CDK14: variants seen among roughly 807,000 people sequenced by gnomAD.
The protein encoded by CDK14 is cyclin-dependent kinase 14.
Under a neutral mutation model 60.7 loss-of-function variants are expected in CDK14, and 34 were observed. That is an observed-to-expected ratio of 0.56 (90% CI 0.43 to 0.75). The LOEUF is 0.75. CDK14 is among the 30% of genes least tolerant of loss of function. The pLI, the probability that CDK14 is intolerant of heterozygous loss-of-function variation, is 0.00. For missense variants in CDK14, 482 were observed against 564.1 expected (o/e 0.85, Z 1.47); for synonymous variants, 197 against 203.7 (o/e 0.97, Z 0.28).
At chr7:91,095,547 G>T (rs1393898222) in intron 12 of CDK14, among the ~76,000 whole-genome samples, 1 of 152,118 alleles carries the variant, frequency 6.6e-6, no homozygotes, top group Non-Finnish European at 1.5e-5. Flanking sequence ...TTATTTTATT[G>T]TAGTTTAAAA....
At chr7:90,629,255 A>G (rs959820403) in intron 2 of CDK14, among the ~76,000 whole-genome samples, 3 of 152,178 alleles carry the variant, frequency 2.0e-5, no homozygotes, top group Non-Finnish European at 2.9e-5. Context: ...CAAACTCCTC[A>G]AGTCTGATGC....
chr7:90,840,082 T>C (rs142862283), intron 5 of CDK14, among the ~76,000 whole-genome samples: 5 of 152,350 alleles, frequency 3.3e-5, no homozygotes, highest in African/African-American at 1.2e-4. Flanking sequence ...AGGCTACATC[T>C]ATTTTCCTTC....
intron 8 of CDK14, among the ~76,000 whole-genome samples, chr7:90,923,489 T>C (rs1258650254): frequency 6.6e-6 from 1 of 152,164 alleles, no homozygotes; most frequent in Admixed American, 6.5e-5. Flanking sequence ...GCAACTAATA[T>C]GCATATACTA....
chr7:91,001,768 G>A (rs561654826), intron 10 of CDK14, among the ~76,000 whole-genome samples: 2 of 152,316 alleles, frequency 1.3e-5, no homozygotes, highest in East Asian at 1.9e-4. Flanking sequence ...CACCCTGTGT[G>A]CTACCTCCAT....
At position 90,646,212 on chromosome 7, in the gene CDK14, C is replaced by T. The variant is rs76096607; in HGVS notation, c.123+41963C>T. ...AGGATGTTCATCTTATGGAAGCCTC[C>T]GGTTGTTGAGTTAGTGTTTTGCATT... is the stretch of plus-strand genomic sequence containing the variant. On this transcript the variant is annotated intron_variant, in intron 2 of 14. Coordinates refer to ENST00000380050, the MANE Select transcript of CDK14 (RefSeq NM_001287135.2). Among the ~76,000 whole-genome samples the T allele has an allele frequency of 6.8e-3, 1,027 of 151,888 alleles. 9 individuals carry two copies. The highest frequency in any genetic ancestry group is 0.023 in the African/African-American group (941 of 41,404).
chr7:91,127,422 T>C lies in CDK14; in HGVS notation c.*28+9214T>C, dbSNP rs554798068. On this transcript the variant is annotated intron_variant, in intron 14 of 14. Transcript: ENST00000380050. ...GCAACTTCAGAAAATAAGAGGGATTTTCCCCCCTCTGCTAGTGTGGAAGAC... is the reference window on the plus strand; with the variant it reads ...GCAACTTCAGAAAATAAGAGGGATTCTCCCCCCTCTGCTAGTGTGGAAGAC... 2.0e-5 allele frequency among the ~76,000 whole-genome samples: 3 copies of C among 152,252 alleles called. No individual in the cohort carries two copies. The East Asian group carries it at 5.8e-4, about 29-fold the overall frequency.
At chr7:90,801,868 T>G (rs903379450) in intron 5 of CDK14, among the ~76,000 whole-genome samples, 3 of 152,202 alleles carry the variant, frequency 2.0e-5, no homozygotes, top group African/African-American at 7.2e-5. Flanking sequence ...TGTCAATATC[T>G]GGATGCCTAG....
intron 2 of CDK14, among the ~76,000 whole-genome samples, chr7:90,649,783 C>T (rs184952278): frequency 5.9e-5 from 9 of 152,146 alleles, no homozygotes; most frequent in East Asian, 1.9e-4. Context: ...CTGCAAAGGA[C>T]GTGAACTCAT....
At chr7:90,711,591 A>T (rs930484344) in intron 2 of CDK14, among the ~76,000 whole-genome samples, 7 of 152,106 alleles carry the variant, frequency 4.6e-5, no homozygotes, top group Admixed American at 3.9e-4. Context: ...TATTTCTCTC[A>T]TTCTGCAAAT....
intron 2 of CDK14, among the ~76,000 whole-genome samples, chr7:90,668,874 A>AT (rs376626521): frequency 2.0e-3 from 283 of 144,016 alleles, no homozygotes; most frequent in East Asian, 2.6e-3. Flanking sequence ...GTGCCTGGCT[A>AT]TTTTTTTTTT....
chr7:90,982,137 T>C (rs949699723), intron 9 of CDK14, among the ~76,000 whole-genome samples: 2 of 152,196 alleles, frequency 1.3e-5, no homozygotes, highest in African/African-American at 2.4e-5. Context: ...ACTGTGAGCA[T>C]GGCAGGTCAA....
intron 2 of CDK14, among the ~76,000 whole-genome samples, chr7:90,625,145 C>T (rs569856526): frequency 7.9e-5 from 12 of 152,146 alleles, no homozygotes; most frequent in African/African-American, 2.7e-4. Flanking sequence ...TTGAGACAAG[C>T]CTGGGCAATA....
At chr7:90,924,667 G>A (rs1793357940) in intron 8 of CDK14, among the ~76,000 whole-genome samples, 1 of 152,062 alleles carries the variant, frequency 6.6e-6, no homozygotes, top group African/African-American at 2.4e-5. Context: ...CAGCTACTAT[G>A]GGAAATGTAA....
rs371440081 is a variant in CDK14 at position 91,186,008 on chromosome 7, C to A, written c.*29-21157C>A. ...TATAAATGGAATCATGCATATGTGG[C>A]CTTTTGTGACTGGCTTCTTTTAGTT... On this transcript the variant is annotated intron_variant, in intron 14 of 14. Transcript: ENST00000380050. Among the ~76,000 whole-genome samples, 30 of 152,164 alleles carry A rather than the reference C, an allele frequency of 2.0e-4. 1 individual carries two copies. The South Asian group carries it at 5.6e-3, about 28-fold the overall frequency.
At chr7:91,000,407 C>G (rs1795804766) in intron 10 of CDK14, among the ~76,000 whole-genome samples, 1 of 152,200 alleles carries the variant, frequency 6.6e-6, no homozygotes, top group African/African-American at 2.4e-5. Flanking sequence ...CTGTGGCTTA[C>G]TTTTTGCTGA....
intron 2 of CDK14, among the ~76,000 whole-genome samples, chr7:90,668,664 A>G (rs1321462096): frequency 8.4e-6 from 1 of 118,734 alleles, no homozygotes; most frequent in Non-Finnish European, 1.9e-5. Flanking sequence ...TATTTGAGTT[A>G]ATTTTTTTAT....
chr7:91,118,147 T>G lies in CDK14; in HGVS notation c.1377T>G (p.Ser459Arg). The change falls in exon 14 of 15, where the codon AGT becomes AGG. Residue 459 changes from serine to arginine, a missense_variant. Ser to Arg is a moderately radical substitution (Grantham distance 110, BLOSUM62 -1). Transcript: ENST00000380050. Reference protein sequence around the residue: ...ESMRAFGKNNSYGKSLSNSKH With the variant: ...ESMRAFGKNNRYGKSLSNSKH Reference sequence around the variant, plus strand: ...TGCGGGCCTTTGGGAAAAACAATAGTTATGGCAAAAGTCTATCAAACAGCA... The same window carrying G: ...TGCGGGCCTTTGGGAAAAACAATAGGTATGGCAAAAGTCTATCAAACAGCA... 1 of 1,613,450 alleles carries G rather than the reference T, an allele frequency of 6.2e-7. No individual in the cohort carries two copies. The highest frequency in any genetic ancestry group is 8.5e-7 in the Non-Finnish European group (1 of 1,179,492).
At chr7:90,778,899 CTTTT>C (rs1397353102) in intron 4 of CDK14, among the ~76,000 whole-genome samples, 2 of 47,860 alleles carry the variant, frequency 4.2e-5, no homozygotes, top group African/African-American at 1.7e-4. Context: ...TTCCTTCCTT[CTTTT>C]CTCTCTCCTC....
intron 7 of CDK14, among the ~76,000 whole-genome samples, chr7:90,908,337 C>G (rs1461472328): frequency 6.6e-6 from 1 of 151,974 alleles, no homozygotes; most frequent in African/African-American, 2.4e-5. Flanking sequence ...CTGATTTGTT[C>G]GTAACAATTT....
Sources: allele counts gnomAD v4.1 joint callset (sites outside exome capture counted in the v4.1 genomes callset), GRCh38; gene constraint gnomAD v4.1.1; transcripts MANE v1.5; gene names NCBI Gene and HGNC (gene_info 2026-07-23, HGNC 2026-07-21).